Variants in MACROD2 observed in about 807,000 individuals in gnomAD.
The protein encoded by MACROD2 is ADP-ribose glycohydrolase MACROD2.
MACROD2 carries 36 observed loss-of-function variants against 70.4 expected under a neutral mutation model. The ratio of observed to expected loss-of-function variants is 0.51; its 90% confidence interval spans 0.39 to 0.68. The LOEUF (loss-of-function observed/expected upper bound fraction) is 0.68. Ranked by LOEUF, MACROD2 falls within the 30% of genes least tolerant of loss-of-function variation. The pLI, the probability that MACROD2 is intolerant of heterozygous loss-of-function variation, is 0.00. For synonymous variants in MACROD2, 172 were observed against 178.8 expected, an observed-to-expected ratio of 0.96 and a Z score of 0.30; for missense variants, 496 against 538.4, an observed-to-expected ratio of 0.92 and a Z score of 0.78.
chr20:14,154,570 T>G (rs1378199178), intron 3 of MACROD2, among the ~76,000 whole-genome samples: 4 of 136,016 alleles, frequency 2.9e-5, no homozygotes, highest in Non-Finnish European at 3.2e-5. Context: ...TTTTTTTTTT[T>G]TTTTTTTTTT....
chr20:14,088,963 A>G (rs2054115918), intron 3 of MACROD2, among the ~76,000 whole-genome samples: 1 of 152,238 alleles, frequency 6.6e-6, no homozygotes, highest in Non-Finnish European at 1.5e-5. Context: ...GGTGCAAAAC[A>G]GAAGAACATC....
intron 3 of MACROD2, among the ~76,000 whole-genome samples, chr20:14,359,948 G>A (rs2083206383): frequency 6.6e-6 from 1 of 152,080 alleles, no homozygotes; most frequent in South Asian, 2.1e-4. Flanking sequence ...ACTGTCATTT[G>A]CAACAGCATG....
At chr20:15,665,454 A>G (rs1409397495) in intron 8 of MACROD2, among the ~76,000 whole-genome samples, 1 of 152,192 alleles carries the variant, frequency 6.6e-6, no homozygotes, top group East Asian at 1.9e-4. Context: ...ATTCTCTGAG[A>G]AACCACAGGA....
At chr20:15,382,033 G>T (rs963183846) in intron 6 of MACROD2, among the ~76,000 whole-genome samples, 1 of 152,038 alleles carries the variant, frequency 6.6e-6, no homozygotes, top group African/African-American at 2.4e-5. Context: ...AAAGAGAAGG[G>T]GGCAGCTTTG....
chr20:16,026,840 A>G (rs1355710352), intron 15 of MACROD2, among the ~76,000 whole-genome samples: 1 of 152,190 alleles, frequency 6.6e-6, no homozygotes, highest in Admixed American at 6.5e-5. Flanking sequence ...AGGTAACATC[A>G]ACATCTCACA....
At chr20:14,049,323 C>T (rs1311594785) in intron 2 of MACROD2, among the ~76,000 whole-genome samples, 10 of 151,842 alleles carry the variant, frequency 6.6e-5, no homozygotes, top group African/African-American at 1.5e-4. Flanking sequence ...CAGAGAAAAC[C>T]GCAACTGAAA....
chr20:14,811,202 C>T (rs1050495559), intron 5 of MACROD2, among the ~76,000 whole-genome samples: 5 of 151,842 alleles, frequency 3.3e-5, no homozygotes, highest in Non-Finnish European at 7.4e-5. Context: ...ACAAGGCTAC[C>T]GTAACCAAAA....
intron 8 of MACROD2, among the ~76,000 whole-genome samples, chr20:15,811,923 C>G (rs1231302276): frequency 6.6e-6 from 1 of 152,152 alleles, no homozygotes; most frequent in South Asian, 2.1e-4. Context: ...GCTCAGAGAA[C>G]TACTAAAAGT....
chr20:14,924,995 T>G (rs1207012831), intron 5 of MACROD2, among the ~76,000 whole-genome samples: 2 of 151,776 alleles, frequency 1.3e-5, no homozygotes, highest in Non-Finnish European at 2.9e-5. Context: ...TCTCCTTTTC[T>G]GTGTATAAGG....
At chr20:14,252,687 T>C (rs1464187268) in intron 3 of MACROD2, among the ~76,000 whole-genome samples, 6 of 152,042 alleles carry the variant, frequency 3.9e-5, no homozygotes, top group African/African-American at 1.4e-4. Flanking sequence ...ATTTTAGCTT[T>C]GAATATTATC....
intron 7 of MACROD2, among the ~76,000 whole-genome samples, chr20:15,444,175 C>T (rs2046532016): frequency 1.3e-5 from 2 of 152,136 alleles, no homozygotes; most frequent in Admixed American, 1.3e-4. Context: ...ACTATGTGAT[C>T]TTTTGTGACT....
At chr20:15,382,170 A>T (rs1161442825) in intron 6 of MACROD2, among the ~76,000 whole-genome samples, 1 of 152,156 alleles carries the variant, frequency 6.6e-6, no homozygotes, top group Non-Finnish European at 1.5e-5. Context: ...GGAGAAGTAT[A>T]AATTGAGAAA....
At chr20:15,115,870 G>C (rs1399478009) in intron 5 of MACROD2, among the ~76,000 whole-genome samples, 4 of 152,124 alleles carry the variant, frequency 2.6e-5, no homozygotes. Context: ...AGGAGGAAAA[G>C]AAAGATCAGT....
intron 5 of MACROD2, among the ~76,000 whole-genome samples, chr20:14,687,538 G>A (rs143349128): frequency 2.2e-3 from 339 of 152,224 alleles, no homozygotes; most frequent in Non-Finnish European, 3.5e-3. Flanking sequence ...TCATAACTTC[G>A]AACTGAAGTG....
chr20:14,467,532 C>T (rs2123036468), intron 3 of MACROD2, among the ~76,000 whole-genome samples: 2 of 152,186 alleles, frequency 1.3e-5, no homozygotes, highest in South Asian at 4.1e-4. Context: ...TGGTGCGCTG[C>T]CCCCACTGTC....
chr20:15,131,040 C>T (rs958467780), intron 5 of MACROD2, among the ~76,000 whole-genome samples: 1 of 151,992 alleles, frequency 6.6e-6, no homozygotes, highest in East Asian at 1.9e-4. Flanking sequence ...ACAAATGACC[C>T]CTGGTATAAG....
intron 7 of MACROD2, among the ~76,000 whole-genome samples, chr20:15,448,686 G>T (rs1235946878): frequency 6.6e-6 from 1 of 152,118 alleles, no homozygotes; most frequent in African/African-American, 2.4e-5. Context: ...ATAATGCACA[G>T]TATTATCTTG....
chr20:14,018,451 T>G (rs2053023486), intron 2 of MACROD2, among the ~76,000 whole-genome samples: 1 of 152,194 alleles, frequency 6.6e-6, no homozygotes, highest in South Asian at 2.1e-4. Flanking sequence ...TGCTCTAAGT[T>G]TTGATATGTT....
intron 5 of MACROD2, among the ~76,000 whole-genome samples, chr20:14,958,248 A>G (rs554886785): frequency 2.6e-5 from 4 of 152,348 alleles, no homozygotes; most frequent in African/African-American, 7.2e-5. Flanking sequence ...TTTTCTATAA[A>G]TGACATCAGA....
Sources: gnomAD v4.1 joint callset for allele counts (sites outside exome capture counted in the v4.1 genomes callset) on GRCh38, gnomAD v4.1.1 for gene constraint, MANE v1.5 for transcripts, NCBI Gene and HGNC (gene_info 2026-07-23, HGNC 2026-07-21) for gene names.